ASAH1: variants seen among roughly 807,000 people sequenced by gnomAD.
ASAH1 encodes acid ceramidase.
ASAH1 carries 70 observed loss-of-function variants against 59.5 expected under a neutral mutation model. The observed-to-expected ratio is 1.18, with a 90% confidence interval of 0.97 to 1.43. The LOEUF is 1.43. Ranked by LOEUF, ASAH1 falls within the 40% of genes most tolerant of loss-of-function variation. The pLI, the probability that ASAH1 is intolerant of heterozygous loss-of-function variation, is 0.00. For synonymous variants in ASAH1, 213 were observed against 166.5 expected (o/e 1.28, Z -2.15); for missense variants, 660 against 482.5 (o/e 1.37, Z -3.45).
chr8:18,069,752 T>C, intron 4 of ASAH1, 40 bp downstream of exon 4: 2 of 1,414,224 alleles, frequency 1.4e-6, no homozygotes, highest in East Asian at 2.3e-5. Context: ...GCGCATTTTC[T>C]ATGTGCTTAA....
chr8:18,079,465 G>A (rs1800557960), intron 1 of ASAH1, among the ~76,000 whole-genome samples: 1 of 110,544 alleles, frequency 9.0e-6, no homozygotes, highest in African/African-American at 3.1e-5. Context: ...AATATAAAGA[G>A]AACATTAAGG....
rs1413649194 is a variant in ASAH1, at chr8:18,062,992, C to T, written c.503+193G>A. ...TTCAAAAAAGTCTCTGCCTCAGGCT[C>T]CCAAGTAGCCGGGATTACAGATGCC... On this transcript the variant is annotated intron_variant, in intron 7 of 13. Coordinates refer to ENST00000637790, the MANE Select transcript of ASAH1 (RefSeq NM_177924.5). 1.0e-5 allele frequency: 6 copies of T among 573,284 alleles called. No individual in the cohort carries two copies. The Admixed American group carries it at 1.1e-4, about 10-fold the overall frequency. The allele number at this position is 573,284 out of a possible 1,614,324, so 35.5% of individuals were successfully genotyped here.
chr8:18,061,469 T>C lies in ASAH1; in HGVS notation c.704-11A>G. 3 of 1,605,040 alleles carry C rather than the reference T, an allele frequency of 1.9e-6. No homozygotes were observed. The highest frequency in any genetic ancestry group is 2.7e-5 in the African/African-American group (2 of 74,912). ...TCCATTCTAGAATACCTGGAAGAGA[T>C]GAACACAATGTCAGGAACCGGAAGA... On this transcript the variant is annotated splice_polypyrimidine_tract_variant and intron_variant, in intron 9 of 13. Transcript: ENST00000637790.
chr8:18,084,699 C>G (rs769771714), upstream of ASAH1: 2 of 1,613,720 alleles, frequency 1.2e-6, no homozygotes, highest in East Asian at 2.2e-5. Context: ...GCAAAGCTGC[C>G]AAATCCCAGA....
chr8:18,079,198 G>T lies in ASAH1; in HGVS notation c.79-3611C>A, dbSNP rs1024359. ...TGAGGTAGGAGAATTGCCTGAAGCC[G>T]GGAGGTGGAAGTTGCAGTGAGACGA... On this transcript the variant is annotated intron_variant, in intron 1 of 13. Coordinates refer to ENST00000637790, the MANE Select transcript of ASAH1 (RefSeq NM_177924.5). Among the ~76,000 whole-genome samples, 33 of 150,658 alleles carry T rather than the reference G, an allele frequency of 2.2e-4. No individual in the cohort carries two copies. In the South Asian group the frequency reaches 5.6e-3, roughly 26 times the overall value.
intron 1 of ASAH1, among the ~76,000 whole-genome samples, chr8:18,081,340 C>A (rs956417036): frequency 2.6e-5 from 4 of 152,146 alleles, no homozygotes; most frequent in African/African-American, 9.7e-5. Flanking sequence ...GTTTTCTTTT[C>A]TGGACTAGTC....
At chr8:18,059,138 G>A in intron 12 of ASAH1, 4 of 781,920 alleles carry the variant, frequency 5.1e-6, no homozygotes, top group Non-Finnish European at 8.1e-6. Flanking sequence ...GTGGTATCCA[G>A]CATTAGAACC....
At chr8:18,078,720 T>C (rs1800518516) in intron 1 of ASAH1, among the ~76,000 whole-genome samples, 1 of 152,156 alleles carries the variant, frequency 6.6e-6, no homozygotes, top group Non-Finnish European at 1.5e-5. Flanking sequence ...GACAACTCTA[T>C]TAAGGCAGGT....
chr8:18,080,597 G>A (rs1013817312), intron 1 of ASAH1, among the ~76,000 whole-genome samples: 2 of 152,080 alleles, frequency 1.3e-5, no homozygotes, highest in Admixed American at 1.3e-4. Flanking sequence ...TTCGCTCATT[G>A]TCCAGGCTGG....
chr8:18,076,635 G>C (rs1459926596), intron 1 of ASAH1: 1 of 152,172 alleles, frequency 6.6e-6, no homozygotes, highest in African/African-American at 2.4e-5. Flanking sequence ...ATAAGATAAA[G>C]TAGAGTAGGT....
In ASAH1 at chr8:18,062,421, C is replaced by T; in HGVS notation, c.506G>A (p.Trp169Ter). Reference protein sequence around the residue: ...RNMDFGVFLGWNINNDTWVIT... With the variant: ...RNMDFGVFLG ...GACCCAGGTATCATTATTTATGTTC[C>T]ACCTATAAAAGACATGTTTCAGTGA... The change falls in exon 8 of 14, where the codon TGG (tryptophan) becomes TAG (stop). Residue 169 changes from tryptophan (W) to a stop codon, truncating the protein, a stop_gained and splice_region_variant. Transcript: ENST00000637790. LOFTEE classifies it high-confidence loss of function. The T allele has an allele frequency of 6.2e-7, 1 of 1,613,886 alleles. No homozygotes were observed. The highest frequency in any genetic ancestry group is 1.3e-5 in the African/African-American group (1 of 74,976).
In ASAH1 at chr8:18,059,150, GA is replaced by G. The variant is rs1320003809; in HGVS notation, c.1041+190del. The G allele has an allele frequency of 4.6e-6, 4 of 869,716 alleles. No homozygotes were observed. The East Asian group carries it at 1.0e-4, about 23-fold the overall frequency. The allele number at this position is 869,716 out of a possible 1,614,324, so 53.9% of individuals were successfully genotyped here. A position where few individuals can be genotyped will look rare whatever the true frequency, so the allele number is the denominator to read the frequency against. ...AGAGTGGTATCCAGCATTAGAACCA[GA>G]AAAGGAAAGTACAGCACAATTTTGC... On this transcript the variant is annotated intron_variant, in intron 12 of 13. Transcript: ENST00000637790.
At chr8:18,084,271 G>C, upstream of ASAH1, 3 of 1,445,162 alleles carry the variant, frequency 2.1e-6, no homozygotes, top group Non-Finnish European at 2.7e-6. Flanking sequence ...GAAAGAGAGA[G>C]AGCCTTCCAG....
At chr8:18,069,958 TAA>T (rs748098785) in intron 3 of ASAH1, 80 bp from the exon 4 acceptor site, 15 of 915,582 alleles carry the variant, frequency 1.6e-5, no homozygotes, top group Non-Finnish European at 2.4e-5. Flanking sequence ...CATATGTAGC[TAA>T]AAGAGAGTGC....
chr8:18,062,452 C>A, intron 7 of ASAH1, 29 bp from the exon 8 acceptor site: 1 of 1,612,432 alleles, frequency 6.2e-7, no homozygotes, highest in South Asian at 1.1e-5. Flanking sequence ...AGTGACATTT[C>A]AGAAACACAG....
At position 18,057,504 on chromosome 8, in the gene ASAH1, G is replaced by C. The variant is rs568755414; in HGVS notation, c.*30C>G. ...ATGGAGATGGTGTCTTCATGTCTCA[G>C]AGGCCGCATTCTGTAGGCCAGACGT... On this transcript the variant is annotated 3_prime_UTR_variant, in exon 14 of 14. Transcript: ENST00000637790. 29 of 1,538,016 alleles carry C rather than the reference G, an allele frequency of 1.9e-5. No homozygotes were observed. Among genetic ancestry groups the C allele is most frequent in the Middle Eastern group, 3.5e-4 (2 of 5,782 alleles).
chr8:18,084,269 G>C, upstream of ASAH1: 2 of 1,447,028 alleles, frequency 1.4e-6, no homozygotes, highest in Non-Finnish European at 1.8e-6. Context: ...GAGAAAGAGA[G>C]AGAGCCTTCC....
At chr8:18,077,250 T>C (rs1033534561) in intron 1 of ASAH1, among the ~76,000 whole-genome samples, 1 of 152,216 alleles carries the variant, frequency 6.6e-6, no homozygotes, top group Non-Finnish European at 1.5e-5. Flanking sequence ...ATTCCAATAT[T>C]TTCCACAAAA....
chr8:18,069,646 A>C (rs1800073950), intron 4 of ASAH1, 146 bp downstream of exon 4: 4 of 611,888 alleles, frequency 6.5e-6, no homozygotes, highest in South Asian at 5.7e-5. Flanking sequence ...CCCCAAATTT[A>C]AGTCCCTCTG....
Sources: allele counts gnomAD v4.1 joint callset (sites outside exome capture counted in the v4.1 genomes callset), GRCh38; gene constraint gnomAD v4.1.1; transcripts MANE v1.5; gene names NCBI Gene and HGNC (gene_info 2026-07-23, HGNC 2026-07-21).